The following LYRM7 variants were observed in gnomAD, a reference collection of about 807,000 sequenced individuals.
LYRM7 encodes complex III assembly factor LYRM7.
Under a neutral mutation model 15.8 loss-of-function variants are expected in LYRM7, and 9 were observed. That is an observed-to-expected ratio of 0.57 (90% CI 0.34 to 0.99). The LOEUF (loss-of-function observed/expected upper bound fraction) is 0.99. LYRM7 is among the 50% of genes least tolerant of loss of function. LYRM7 has a pLI of 0.02. For synonymous variants in LYRM7, 39 were observed against 39.4 expected, an observed-to-expected ratio of 0.99 and a Z score of 0.04; for missense variants, 115 against 119.1, an observed-to-expected ratio of 0.97 and a Z score of 0.16.
chr5:131,202,580 T>C lies in LYRM7; in HGVS notation c.*2979T>C, dbSNP rs1275684187. The stretch of plus-strand genomic sequence containing the variant: ...CAGTAGCTATTCATAGGCACAGTCA[T>C]AGCACACTGCAGCCTAGAATTTCTG... On this transcript the variant is annotated 3_prime_UTR_variant, in exon 5 of 5. Transcript: ENST00000379380. The C allele has an allele frequency of 6.5e-6, 1 of 152,938 alleles. No individual in the cohort carries two copies. Among genetic ancestry groups the C allele is most frequent in the Non-Finnish European group, 1.5e-5 (1 of 68,050 alleles). The allele number at this position is 152,938 out of a possible 1,614,324, so 9.5% of individuals were successfully genotyped here.
intron 3 of LYRM7, among the ~76,000 whole-genome samples, chr5:131,184,640 C>CGGCGG (rs1554090136): frequency 0.023 from 2,980 of 127,170 alleles, 92 homozygotes; most frequent in African/African-American, 0.093. Flanking sequence ...TTTTTTTTGG[C>CGGCGG]GGGGGGGGGG....
At chr5:131,198,406 C>A (rs1756004659) in intron 4 of LYRM7, among the ~76,000 whole-genome samples, 1 of 152,126 alleles carries the variant, frequency 6.6e-6, no homozygotes, top group Non-Finnish European at 1.5e-5. Flanking sequence ...CTAGAGCAGT[C>A]CTTCAGTCTT....
Position 131,204,497 on chromosome 5 carries a change from C to T in LYRM7, c.*4896C>T, listed in dbSNP as rs1025682443. The T allele has an allele frequency of 5.8e-5, 8 of 136,778 alleles. No individual in the cohort carries two copies. The highest frequency in any genetic ancestry group is 2.6e-4 in the African/African-American group (8 of 30,238). 8.5% of individuals were successfully genotyped at this position (136,778 alleles called of 1,614,324 possible). On this transcript the variant is annotated 3_prime_UTR_variant, in exon 5 of 5. Transcript: ENST00000379380. ...ACACACACACACACACACACACACACACACACACACACACACAGTTTGGGT... is the reference window on the plus strand; with the variant it reads ...ACACACACACACACACACACACACATACACACACACACACACAGTTTGGGT...
intron 4 of LYRM7, among the ~76,000 whole-genome samples, chr5:131,188,151 G>C (rs1164084612): frequency 6.6e-6 from 1 of 152,064 alleles, no homozygotes; most frequent in Non-Finnish European, 1.5e-5. Context: ...CAGCTAGTAG[G>C]GAGGCTGAGG....
rs942218273 is a variant in LYRM7 at position 131,201,885 on chromosome 5, A to T, written c.*2284A>T. 1 of 152,124 alleles carries T rather than the reference A, an allele frequency of 6.6e-6. No homozygotes were observed. The highest frequency in any genetic ancestry group is 1.5e-5 in the Non-Finnish European group (1 of 68,040). The allele number at this position is 152,124 out of a possible 1,614,324, so 9.4% of individuals were successfully genotyped here. ...AGTTCTGCTGTGTCACCCAGGTTGGAGTGCAGTGGCATGGTCATGGTCCAC... is the reference window on the plus strand; with the variant it reads ...AGTTCTGCTGTGTCACCCAGGTTGGTGTGCAGTGGCATGGTCATGGTCCAC... On this transcript the variant is annotated 3_prime_UTR_variant, in exon 5 of 5. Coordinates refer to ENST00000379380, the MANE Select transcript of LYRM7 (RefSeq NM_181705.4).
In LYRM7 at chr5:131,200,903, C is replaced by T. The variant is rs1009976768; in HGVS notation, c.*1302C>T. 3 of 151,964 alleles carry T rather than the reference C, an allele frequency of 2.0e-5. No homozygotes were observed. The highest frequency in any genetic ancestry group is 7.3e-5 in the African/African-American group (3 of 41,350). 9.4% of individuals were successfully genotyped at this position (151,964 alleles called of 1,614,324 possible). ...TTTCTTTAACCTGAATTCCCTGTTC[C>T]ATTTTTCATTCATATTAATTTAAAT... On this transcript the variant is annotated 3_prime_UTR_variant, in exon 5 of 5. Coordinates refer to ENST00000379380, the MANE Select transcript of LYRM7 (RefSeq NM_181705.4).
intron 4 of LYRM7, among the ~76,000 whole-genome samples, chr5:131,189,529 T>C (rs1319377696): frequency 6.6e-6 from 1 of 151,594 alleles, no homozygotes; most frequent in African/African-American, 2.4e-5. Context: ...TTGGTTTGTA[T>C]ATGGTATGAG....
rs1756141120 is a variant in LYRM7 at position 131,204,584 on chromosome 5, TGATGC to T, written c.*4984_*4988del. The T allele has an allele frequency of 6.7e-6, 1 of 149,676 alleles. No individual in the cohort carries two copies. The highest frequency in any genetic ancestry group is 6.7e-5 in the Admixed American group (1 of 14,880). The allele number at this position is 149,676 out of a possible 1,614,324, so 9.3% of individuals were successfully genotyped here. A position where few individuals can be genotyped will look rare whatever the true frequency, so the allele number is the denominator to read the frequency against. ...AAACTTTCTGACCCACCAACATGAC[TGATGC>T]TCAAAGGAAATGGCCACTGGAAGAT... is the stretch of plus-strand genomic sequence containing the variant. On this transcript the variant is annotated 3_prime_UTR_variant, in exon 5 of 5. Coordinates refer to ENST00000379380, the MANE Select transcript of LYRM7 (RefSeq NM_181705.4).
At chr5:131,198,022 T>C (rs958768774) in intron 4 of LYRM7, among the ~76,000 whole-genome samples, 3 of 152,192 alleles carry the variant, frequency 2.0e-5, no homozygotes, top group African/African-American at 7.2e-5. Context: ...TGCCTTATTG[T>C]GTTTCCCTCA....
chr5:131,181,835 GTA>G (rs1755718413), intron 2 of LYRM7, among the ~76,000 whole-genome samples: 2 of 152,002 alleles, frequency 1.3e-5, no homozygotes, highest in African/African-American at 4.8e-5. Context: ...GTGTATGTGT[GTA>G]TGTAGTTTAA....
At chr5:131,198,251 A>G (rs918387458) in intron 4 of LYRM7, among the ~76,000 whole-genome samples, 1 of 152,212 alleles carries the variant, frequency 6.6e-6, no homozygotes, top group African/African-American at 2.4e-5. Context: ...GGGTATTAAT[A>G]TTGATGCAAT....
chr5:131,182,024 A>G (rs1755721297), intron 2 of LYRM7, among the ~76,000 whole-genome samples: 1 of 152,218 alleles, frequency 6.6e-6, no homozygotes, highest in Admixed American at 6.5e-5. Flanking sequence ...AAAGGTTTAT[A>G]GTAGGTTTAC....
chr5:131,178,892 G>A (rs112114204), intron 1 of LYRM7, among the ~76,000 whole-genome samples: 2,690 of 150,432 alleles, frequency 0.018, 74 homozygotes, highest in African/African-American at 0.058. Context: ...AACTCGGGAG[G>A]TGGAGGTTGC....
At chr5:131,188,909 G>A (rs1755839130) in intron 4 of LYRM7, among the ~76,000 whole-genome samples, 1 of 152,146 alleles carries the variant, frequency 6.6e-6, no homozygotes, top group East Asian at 1.9e-4. Context: ...CACTTTGGGA[G>A]GCCGAGGCGG....
chr5:131,173,791 A>G (rs1409947922), intron 1 of LYRM7, among the ~76,000 whole-genome samples: 2 of 152,240 alleles, frequency 1.3e-5, no homozygotes, highest in Non-Finnish European at 2.9e-5. Flanking sequence ...AAATAAAAAA[A>G]TACTTTTTTG....
chr5:131,191,717 G>A (rs968683967), intron 4 of LYRM7, among the ~76,000 whole-genome samples: 3 of 152,154 alleles, frequency 2.0e-5, no homozygotes, highest in Non-Finnish European at 4.4e-5. Flanking sequence ...CAGAGAGAAT[G>A]ACTATTGTCA....
chr5:131,178,294 T>C (rs1392002703), intron 1 of LYRM7, among the ~76,000 whole-genome samples: 2 of 152,098 alleles, frequency 1.3e-5, no homozygotes, highest in African/African-American at 4.8e-5. Flanking sequence ...TTGTAAGTAG[T>C]CTAAGAGATG....
chr5:131,176,186 A>G (rs1056935834), intron 1 of LYRM7, among the ~76,000 whole-genome samples: 1 of 152,246 alleles, frequency 6.6e-6, no homozygotes, highest in Non-Finnish European at 1.5e-5. Context: ...TAATACTACC[A>G]TGAACATTAG....
intron 1 of LYRM7, among the ~76,000 whole-genome samples, chr5:131,174,346 T>G (rs955319046): frequency 6.6e-6 from 1 of 152,226 alleles, no homozygotes; most frequent in African/African-American, 2.4e-5. Flanking sequence ...AGTTAATTCC[T>G]CCACTGAAGT....
Sources: allele counts gnomAD v4.1 joint callset (sites outside exome capture counted in the v4.1 genomes callset), GRCh38; gene constraint gnomAD v4.1.1; transcripts MANE v1.5; gene names NCBI Gene and HGNC (gene_info 2026-07-23, HGNC 2026-07-21).